ZSCAN5B: variants seen among roughly 807,000 people sequenced by gnomAD.
The protein encoded by ZSCAN5B is zinc finger and SCAN domain containing 5B.
In ZSCAN5B, 26 loss-of-function variants were observed where a neutral mutation model predicts 25.2. The observed-to-expected ratio is 1.03, with a 90% CI of 0.76 to 1.43. The LOEUF is 1.43. Ranked by LOEUF, ZSCAN5B falls within the 40% of genes most tolerant of loss-of-function variation. The pLI is 0.00. For synonymous variants in ZSCAN5B, 244 were observed against 240.9 expected (o/e 1.01, Z -0.12); for missense variants, 745 against 622.1 (o/e 1.20, Z -2.10).
chr19:56,195,185 G>A (rs2032795185), intron 1 of ZSCAN5B, among the ~76,000 whole-genome samples: 1 of 152,166 alleles, frequency 6.6e-6, no homozygotes, highest in Admixed American at 6.5e-5. Context: ...CAGCCAGGGA[G>A]ACAATCGGCA....
Position 56,190,782 on chromosome 19 carries a change from C to A in ZSCAN5B, c.739+55G>T, listed in dbSNP as rs909282478. On this transcript the variant is annotated intron_variant, in intron 4 of 4. Transcript: ENST00000586855. ...GGGATGATAATGCTGGGCCCCCAGC[C>A]CCGCACCCCAGAAGAGAGGGACTAA... The A allele has an allele frequency of 4.6e-5, 73 of 1,579,314 alleles. No homozygotes were observed. The African/African-American group carries it at 8.1e-4, about 17-fold the overall frequency.
At chr19:56,197,602 G>T in intron 1 of ZSCAN5B, 132 bp downstream of exon 1, 3 of 299,618 alleles carry the variant, frequency 1.0e-5, no homozygotes, top group Non-Finnish European at 1.5e-5. Context: ...ATCATGGGGT[G>T]CAAAGGAGAC....
Position 56,190,048 on chromosome 19 carries a change from C to T in ZSCAN5B, c.1267G>A (p.Glu423Lys), listed in dbSNP as rs773901141. ...CTCTTGTGGCCCTGTAAGGTGGACT[C>T]GTGGGCGAACCGCTTTTGGCAGACG... Residue 423 changes from glutamate (E) to lysine (K), a missense_variant, in exon 5 of 5, where the codon GAG becomes AAG. Coordinates refer to ENST00000586855, the Ensembl canonical transcript of ZSCAN5B. The T allele has an allele frequency of 1.9e-5, 31 of 1,613,398 alleles. No homozygotes were observed. The South Asian group carries it at 3.2e-4, about 17-fold the overall frequency.
Position 56,191,917 on chromosome 19 carries a change from G to T in ZSCAN5B, c.521C>A (p.Pro174Gln). 3 of 1,613,956 alleles carry T rather than the reference G, an allele frequency of 1.9e-6. 1 individual carries two copies. In the South Asian group the frequency reaches 3.3e-5, roughly 18 times the overall value. Residue 174 changes from proline to glutamine, a missense_variant, in exon 3 of 5, where the codon CCG becomes CAG. Coordinates refer to ENST00000586855, the Ensembl canonical transcript of ZSCAN5B. The stretch of plus-strand genomic sequence containing the variant: ...CTCTCGGCGGGCCTGGCCTGTCCCC[G>T]GATGCATCTGGTTCACAGAGGAGGC...
intron 1 of ZSCAN5B, among the ~76,000 whole-genome samples, chr19:56,195,125 A>T (rs2032794269): frequency 6.6e-6 from 1 of 152,206 alleles, no homozygotes; most frequent in Non-Finnish European, 1.5e-5. Context: ...CTGGAGGGCG[A>T]GTACCCCACA....
chr19:56,190,425 T>C, exon 5 of ZSCAN5B: 2 of 1,614,134 alleles, frequency 1.2e-6, no homozygotes, highest in Non-Finnish European at 1.7e-6. Context: ...TTTGCTTCTT[T>C]TGGGACTGCT....
rs2032813205 is a variant in ZSCAN5B, at chr19:56,196,567, A to T, written c.-128+1167T>A. Among the ~76,000 whole-genome samples, 3 of 152,038 alleles carry T rather than the reference A, an allele frequency of 2.0e-5. No homozygotes were observed. The South Asian group carries it at 6.2e-4, about 32-fold the overall frequency. ...CAATGCGTACACACCTTGACACACT[A>T]TGCTGTGCACCGGACATATACACCA... On this transcript the variant is annotated intron_variant, in intron 1 of 4. Coordinates refer to ENST00000586855, the Ensembl canonical transcript of ZSCAN5B.
At chr19:56,189,963 T>C (rs750448003) in exon 5 of ZSCAN5B, 6 of 1,614,018 alleles carry the variant, frequency 3.7e-6, no homozygotes, top group Non-Finnish European at 5.1e-6. Flanking sequence ...CAGGTTCCCC[T>C]TGTGGCTGAA....
chr19:56,189,900 C>T, exon 5 of ZSCAN5B: 1 of 1,613,972 alleles, frequency 6.2e-7, no homozygotes, highest in Non-Finnish European at 8.5e-7. Flanking sequence ...GGCCTTTTGA[C>T]AGGTGGGACA....
At position 56,191,904 on chromosome 19, in the gene ZSCAN5B, C is replaced by T. The variant is rs1000289615; in HGVS notation, c.534G>A (p.Gln178=). 4 of 1,614,014 alleles carry T rather than the reference C, an allele frequency of 2.5e-6. No homozygotes were observed. In the Admixed American group the frequency reaches 5.0e-5, roughly 20 times the overall value. ...GCAGGATCTGCTGCTCTCGGCGGGC[C>T]TGGCCTGTCCCCGGATGCATCTGGT... Residue 178 remains glutamine, a synonymous_variant, in exon 3 of 5, where the codon CAG becomes CAA. Coordinates refer to ENST00000586855, the Ensembl canonical transcript of ZSCAN5B.
exon 2 of ZSCAN5B, chr19:56,193,174 A>G: frequency 8.3e-7 from 1 of 1,200,484 alleles, no homozygotes; most frequent in Non-Finnish European, 1.1e-6. Context: ...CAGTTTGTTC[A>G]GAAGTCTGCA....
intron 1 of ZSCAN5B, among the ~76,000 whole-genome samples, chr19:56,193,612 A>G (rs1398955088): frequency 6.6e-6 from 1 of 152,154 alleles, no homozygotes; most frequent in East Asian, 1.9e-4. Context: ...TCCCCAACAC[A>G]TTTTTCCTGT....
chr19:56,191,039 T>A lies in ZSCAN5B; in HGVS notation c.589-52A>T. 3 of 1,612,278 alleles carry A rather than the reference T, an allele frequency of 1.9e-6. No individual in the cohort carries two copies. In the South Asian group the frequency reaches 3.3e-5, roughly 18 times the overall value. On this transcript the variant is annotated intron_variant, in intron 3 of 4. Transcript: ENST00000586855. Reference sequence around the variant, plus strand: ...ACTGCCGTGTCTATACTGGTGGAAGTAGGGACATGTCTGTCCCCTCCTGAC... The same window carrying A: ...ACTGCCGTGTCTATACTGGTGGAAGAAGGGACATGTCTGTCCCCTCCTGAC...
chr19:56,190,632 C>A, intron 4 of ZSCAN5B, 57 bp from the exon 5 acceptor site: 2 of 1,584,312 alleles, frequency 1.3e-6, no homozygotes, highest in Non-Finnish European at 8.6e-7. Context: ...TTCAATACAC[C>A]AAACTCATTG....
intron 1 of ZSCAN5B, among the ~76,000 whole-genome samples, chr19:56,193,388 T>C (rs1053961902): frequency 2.0e-5 from 3 of 152,190 alleles, no homozygotes; most frequent in Non-Finnish European, 4.4e-5. Context: ...AGGGGATCAT[T>C]GTGCAGAGGT....
chr19:56,192,882 G>C lies in ZSCAN5B; in HGVS notation c.171C>G (p.Asp57Glu), dbSNP rs751517999. 8 of 1,614,072 alleles carry C rather than the reference G, an allele frequency of 5.0e-6. No homozygotes were observed. The highest frequency in any genetic ancestry group is 1.7e-5 in the Admixed American group (1 of 60,004). Residue 57 changes from aspartate to glutamate, a missense_variant, in exon 2 of 5, where the codon GAC becomes GAG. Coordinates refer to ENST00000586855, the Ensembl canonical transcript of ZSCAN5B. ...TGAGTTTCCTCAGAGCCTGGATGGGGTCCGACTCCTCTGGGCAGCTGAACA... is the reference window on the plus strand; with the variant it reads ...TGAGTTTCCTCAGAGCCTGGATGGGCTCCGACTCCTCTGGGCAGCTGAACA...
At chr19:56,191,356 C>T (rs1249436570) in intron 3 of ZSCAN5B, among the ~76,000 whole-genome samples, 3 of 152,118 alleles carry the variant, frequency 2.0e-5, no homozygotes, top group Non-Finnish European at 2.9e-5. Flanking sequence ...GCAGAGACCC[C>T]GCCTCCACCC....
Position 56,189,767 on chromosome 19 carries a change from T to C in ZSCAN5B, c.*60A>G, listed in dbSNP as rs1018615567. On this transcript the variant is annotated 3_prime_UTR_variant, in exon 5 of 5. Coordinates refer to ENST00000586855, the Ensembl canonical transcript of ZSCAN5B. The stretch of plus-strand genomic sequence containing the variant: ...TATGTGTATATGTCATCTGGTAACA[T>C]TGGAGAAAAACCATCATTCACTGTC... 4.2e-5 allele frequency: 64 copies of C among 1,537,206 alleles called. No individual in the cohort carries two copies. The African/African-American group carries it at 4.7e-4, about 11-fold the overall frequency.
chr19:56,197,615 G>C (rs1371881625), intron 1 of ZSCAN5B, 119 bp downstream of exon 1: 2 of 421,452 alleles, frequency 4.7e-6, no homozygotes, highest in Non-Finnish European at 6.4e-6. Context: ...AAGGAGACCC[G>C]CTGCCTTCAC....
Sources: allele counts gnomAD v4.1 joint callset (sites outside exome capture counted in the v4.1 genomes callset), GRCh38; gene constraint gnomAD v4.1.1; transcripts MANE v1.5; gene names NCBI Gene and HGNC (gene_info 2026-07-23, HGNC 2026-07-21).